CAMSAP3: variants seen among roughly 807,000 people sequenced by gnomAD.
CAMSAP3 encodes the protein calmodulin regulated spectrin associated protein family member 3.
A neutral mutation model predicts 112.5 loss-of-function variants in CAMSAP3; 34 were observed. The ratio of observed to expected loss-of-function variants is 0.30; its 90% CI spans 0.23 to 0.40. The LOEUF is 0.40. Among genes scored for constraint, CAMSAP3 ranks in the 10% least tolerant of loss-of-function variants. The probability of loss-of-function intolerance (pLI) is 1.00; values close to 1 mark genes in which losing one functional copy is unlikely to be tolerated. For missense variants in CAMSAP3, 1,602 were observed against 1,770.3 expected (o/e 0.90, Z 1.71); for synonymous variants, 868 against 799.8 (o/e 1.09, Z -1.44).
intron 1 of CAMSAP3, 125 bp downstream of exon 1, chr19:7,596,275 T>G: frequency 1.2e-5 from 4 of 343,924 alleles, no homozygotes; most frequent in Non-Finnish European, 8.2e-6. Context: ...CCGCCGGGGG[T>G]CCCCGGGCTC....
intron 1 of CAMSAP3, among the ~76,000 whole-genome samples, chr19:7,602,094 T>C (rs1185944992): frequency 6.6e-6 from 1 of 152,060 alleles, no homozygotes; most frequent in African/African-American, 2.4e-5. Flanking sequence ...AGAATAAGTT[T>C]ATAGTATAAG....
intron 11 of CAMSAP3, among the ~76,000 whole-genome samples, chr19:7,613,492 G>A (rs747501450): frequency 1.3e-5 from 2 of 149,624 alleles, no homozygotes; most frequent in Admixed American, 6.7e-5. Flanking sequence ...GGGGTGAGAG[G>A]TCCTCCCCCT....
Position 7,618,053 on chromosome 19 carries a change from A to G in CAMSAP3, c.3746A>G (p.Lys1249Arg), listed in dbSNP as rs770813390. 2 of 1,611,088 alleles carry G rather than the reference A, an allele frequency of 1.2e-6. No homozygotes were observed. Among genetic ancestry groups the G allele is most frequent in the African/African-American group, 1.3e-5 (1 of 74,986 alleles). Residue 1249 changes from lysine (K) to arginine (R), a missense_variant, in exon 17 of 17, where the codon AAA (lysine) becomes AGA (arginine). This residue lies in a region of CAMSAP3 where 150 missense variants were observed against 207.6 expected (regional missense o/e 0.72). Coordinates refer to ENST00000160298, the MANE Select transcript of CAMSAP3 (RefSeq NM_020902.2). ...TTPKKGGGTP[K>R] ...CCCAAGAAGGGCGGCGGCACCCCCA[A>G]ATAGCCCCACCCGGGCGGTCCACGG...
At position 7,616,597 on chromosome 19, in the gene CAMSAP3, C is replaced by T. The variant is rs2030802995; in HGVS notation, c.3187C>T (p.Leu1063Phe). Residue 1063 changes from leucine (L) to phenylalanine (F), a missense_variant, in exon 14 of 17, where the codon CTC (leucine) becomes TTC (phenylalanine). Leu to Phe is a conservative substitution (Grantham distance 22). Transcript: ENST00000160298. ...STVANEAHNN[L>F]GVKRPTSRAP... ...TGTGGCCAACGAGGCCCACAATAAC[C>T]TCGGGGTGAAGAGGCCCACGTCTCG... 6.2e-7 allele frequency: 1 copy of T among 1,610,626 alleles called. No homozygotes were observed. Among genetic ancestry groups the T allele is most frequent in the Non-Finnish European group, 8.5e-7 (1 of 1,179,622 alleles).
In CAMSAP3 at chr19:7,612,592, A is replaced by G; in HGVS notation, c.2099A>G (p.Asn700Ser). ...CCCCACGAGGGGCTGGGGGAATACAATCGAGCGGTCAGCAAGCTGAGTGCC... is the reference window on the plus strand; with the variant it reads ...CCCCACGAGGGGCTGGGGGAATACAGTCGAGCGGTCAGCAAGCTGAGTGCC... ...PVPHEGLGEY[N>S]RAVSKLSAAL... is the part of the protein sequence containing the mutation. Residue 700 changes from asparagine (N) to serine (S), a missense_variant, in exon 11 of 17, where the codon AAT (asparagine) becomes AGT (serine). Coordinates refer to ENST00000160298, the MANE Select transcript of CAMSAP3 (RefSeq NM_020902.2). The G allele has an allele frequency of 6.5e-7, 1 of 1,532,724 alleles. No homozygotes were observed. Among genetic ancestry groups the G allele is most frequent in the Non-Finnish European group, 8.7e-7 (1 of 1,144,016 alleles). 94.9% of individuals were successfully genotyped at this position (1,532,724 alleles called of 1,614,324 possible).
At chr19:7,609,162 A>G (rs1712764822) in intron 5 of CAMSAP3, among the ~76,000 whole-genome samples, 1 of 151,850 alleles carries the variant, frequency 6.6e-6, no homozygotes. Context: ...TACTAAAAAT[A>G]CAGAAATTAG....
chr19:7,606,158 C>CCA (rs1555758740), intron 2 of CAMSAP3, 113 bp from the exon 3 acceptor site: 2 of 611,950 alleles, frequency 3.3e-6, no homozygotes, highest in Non-Finnish European at 5.5e-6. Flanking sequence ...CAAGCCCCAC[C>CCA]CCCCCCGTCA....
At position 7,611,149 on chromosome 19, in the gene CAMSAP3, C is replaced by T; in HGVS notation, c.1104C>T (p.Ser368=). ...TTCTGTCATCTGGTGGCCCCCAGTC[C>T]CCACTCCGAGGATCCACAGGTGAGG... ...HPLLSSGGPQ[S]PLRGSTGSLK... Residue 368 remains serine (S), a synonymous_variant, in exon 9 of 17, where the codon TCC becomes TCT. Coordinates refer to ENST00000160298, the MANE Select transcript of CAMSAP3 (RefSeq NM_020902.2). This position sits in a 1 kb window ranked among gnomAD's most constrained non-coding sequence, Gnocchi z 6.9. 6.2e-7 allele frequency: 1 copy of T among 1,613,618 alleles called. No homozygotes were observed. The highest frequency in any genetic ancestry group is 1.6e-4 in the Middle Eastern group (1 of 6,062).
chr19:7,606,180 T>G, intron 2 of CAMSAP3, 91 bp from the exon 3 acceptor site: 2 of 250,868 alleles, frequency 8.0e-6, no homozygotes, highest in Middle Eastern at 6.0e-4. Context: ...GTCCCTCCCA[T>G]CTGCAGGTTC....
chr19:7,614,464 A>G (rs1042714523), intron 11 of CAMSAP3, among the ~76,000 whole-genome samples: 1 of 149,550 alleles, frequency 6.7e-6, no homozygotes, highest in African/African-American at 2.5e-5. Flanking sequence ...CTCTTGTCTC[A>G]CCCTCCTGAG....
At position 7,615,327 on chromosome 19, in the gene CAMSAP3, G is replaced by C. The variant is rs1036998939; in HGVS notation, c.2810+5G>C. 1.3e-6 allele frequency: 2 copies of C among 1,542,522 alleles called. No individual in the cohort carries two copies. The highest frequency in any genetic ancestry group is 2.0e-5 in the Admixed American group (1 of 50,652). On this transcript the variant is annotated splice_donor_5th_base_variant and intron_variant, in intron 12 of 16. Transcript: ENST00000160298. This position sits in a 1 kb window ranked among gnomAD's most constrained non-coding sequence, Gnocchi z 6.5. ...GCGGAGGGAGGAGGCCGCGAGGTGAGGCCGGGCCTGCCCGGGACGCCCGCT... is the reference window on the plus strand; with the variant it reads ...GCGGAGGGAGGAGGCCGCGAGGTGACGCCGGGCCTGCCCGGGACGCCCGCT...
chr19:7,616,459 T>C (rs2030795585), intron 13 of CAMSAP3, 64 bp from the exon 14 acceptor site: 2 of 1,159,420 alleles, frequency 1.7e-6, no homozygotes, highest in Non-Finnish European at 2.6e-6. Context: ...CACAGCCTGC[T>C]GGACCGGGTG....
chr19:7,605,571 C>T (rs1335700981), intron 2 of CAMSAP3, 92 bp downstream of exon 2: 4 of 1,338,014 alleles, frequency 3.0e-6, no homozygotes, highest in African/African-American at 1.5e-5. Flanking sequence ...TCCCAAGTTC[C>T]CTCTATCAGT....
In CAMSAP3 at chr19:7,615,508, G is replaced by A. The variant is rs1832819189; in HGVS notation, c.2901G>A (p.Glu967=). 1 of 1,538,600 alleles carries A rather than the reference G, an allele frequency of 6.5e-7. No individual in the cohort carries two copies. Residue 967 remains glutamate (E), a synonymous_variant, in exon 13 of 17, where the codon GAG becomes GAA. Transcript: ENST00000160298. This position sits in a 1 kb window ranked among gnomAD's most constrained non-coding sequence, Gnocchi z 6.5. The part of the protein sequence containing the change: ...TPAPAARAPA[E]EEVGPRKGDF... The stretch of plus-strand genomic sequence containing the variant: ...CCCCTGCTGCCCGGGCTCCAGCCGA[G>A]GAGGAGGTGGGCCCCCGGAAGGGGG...
At position 7,612,864 on chromosome 19, in the gene CAMSAP3, C is replaced by G; in HGVS notation, c.2371C>G (p.Leu791Val). ...PKHTRPAELR[L>V]APLTRVLTPP... is the part of the protein sequence containing the mutation. ...ACACACGCGGCCAGCGGAGCTGCGG[C>G]TGGCACCCTTGACCAGGGTGCTTAC... The change falls in exon 11 of 17, where the codon CTG (leucine) becomes GTG (valine). Residue 791 changes from leucine (L) to valine (V), a missense_variant. Transcript: ENST00000160298. 1.2e-6 allele frequency: 2 copies of G among 1,601,948 alleles called. No individual in the cohort carries two copies. Among genetic ancestry groups the G allele is most frequent in the Non-Finnish European group, 8.5e-7 (1 of 1,176,100 alleles).
At position 7,617,401 on chromosome 19, in the gene CAMSAP3, C is replaced by CA. The variant is rs754592482; in HGVS notation, c.3290dup (p.Asn1097LysfsTer55). ...GCGAACGGGACTGGGAAAATGGCAG[C>CA]AATGCCTCCTCCCCAGCGTCAGTGC... On this transcript the variant is annotated frameshift_variant, in exon 15 of 17. Coordinates refer to ENST00000160298, the MANE Select transcript of CAMSAP3 (RefSeq NM_020902.2). LOFTEE classifies it high-confidence loss of function. This position sits in a 1 kb window ranked among gnomAD's most constrained non-coding sequence, Gnocchi z 7.5. 1 of 1,614,096 alleles carries CA rather than the reference C, an allele frequency of 6.2e-7. No homozygotes were observed. Among genetic ancestry groups the CA allele is most frequent in the South Asian group, 1.1e-5 (1 of 91,090 alleles).
Position 7,611,393 on chromosome 19 carries a change from C to A in CAMSAP3, c.1124-124C>A. The A allele has an allele frequency of 1.0e-6, 1 of 1,002,164 alleles. No individual in the cohort carries two copies. The highest frequency in any genetic ancestry group is 1.5e-6 in the Non-Finnish European group (1 of 680,104). 62.1% of individuals were successfully genotyped at this position (1,002,164 alleles called of 1,614,324 possible). A position where few individuals can be genotyped will look rare whatever the true frequency, so the allele number is the denominator to read the frequency against. ...CTGTTTCTGGAAACCTCTGGTCTCA[C>A]TAGACCACATAATGAGCCATCAGTG... is the stretch of plus-strand genomic sequence containing the variant. On this transcript the variant is annotated intron_variant, in intron 9 of 16. Coordinates refer to ENST00000160298, the MANE Select transcript of CAMSAP3 (RefSeq NM_020902.2). This position sits in a 1 kb window ranked among gnomAD's most constrained non-coding sequence, Gnocchi z 6.9.
At chr19:7,606,703 T>C (rs1471392634) in intron 4 of CAMSAP3, 132 bp downstream of exon 4, 15 of 1,601,702 alleles carry the variant, frequency 9.4e-6, no homozygotes, top group Non-Finnish European at 1.1e-5. Flanking sequence ...TTCCCCCCTC[T>C]CTCAATCTCT....
chr19:7,605,492 A>G lies in CAMSAP3; in HGVS notation c.402+13A>G, dbSNP rs1207926861. 1.4e-6 allele frequency: 2 copies of G among 1,452,756 alleles called. No individual in the cohort carries two copies. Among genetic ancestry groups the G allele is most frequent in the African/African-American group, 1.5e-5 (1 of 68,844 alleles). 90.0% of individuals were successfully genotyped at this position (1,452,756 alleles called of 1,614,324 possible). A position where few individuals can be genotyped will look rare whatever the true frequency, so the allele number is the denominator to read the frequency against. On this transcript the variant is annotated intron_variant, in intron 2 of 16. Coordinates refer to ENST00000160298, the MANE Select transcript of CAMSAP3 (RefSeq NM_020902.2). ...GCCCATTCTCATGGTAGGCCCCGCC[A>G]CTGCCTGTTAGACCACGCCTACCAT...
Sources: gnomAD v4.1 joint callset for allele counts (sites outside exome capture counted in the v4.1 genomes callset) on GRCh38, gnomAD v4.1.1 for gene constraint, gnomAD v4.1.1 regional missense constraint, Gnocchi (gnomAD v3.1) non-coding constraint, MANE v1.5 for transcripts, NCBI Gene and HGNC (gene_info 2026-07-23, HGNC 2026-07-21) for gene names.